ANKRD36C: variants seen among roughly 807,000 people sequenced by gnomAD.
ANKRD36C encodes the protein ankyrin repeat domain-containing protein 36C.
In ANKRD36C, 61 loss-of-function variants were observed where a neutral mutation model predicts 276.4. That is an observed-to-expected ratio of 0.22 (90% CI 0.18 to 0.27). The LOEUF (loss-of-function observed/expected upper bound fraction) is 0.27. Among genes scored for constraint, ANKRD36C ranks in the 10% least tolerant of loss-of-function variants. The probability of loss-of-function intolerance (pLI) is 1.00; values close to 1 mark genes in which losing one functional copy is unlikely to be tolerated. For synonymous variants in ANKRD36C, 483 were observed against 680.1 expected (o/e 0.71, Z 4.51); for missense variants, 1,447 against 2,032.3 (o/e 0.71, Z 5.54).
Position 95,897,139 on chromosome 2 carries a change from T to A in ANKRD36C, c.2755+2006A>T, listed in dbSNP as rs1676575855. 3.6e-6 allele frequency: 4 copies of A among 1,098,658 alleles called. 1 individual carries two copies. In the South Asian group the frequency reaches 5.9e-5, roughly 16 times the overall value. 68.1% of individuals were successfully genotyped at this position (1,098,658 alleles called of 1,614,324 possible). A position where few individuals can be genotyped will look rare whatever the true frequency, so the allele number is the denominator to read the frequency against. ...CATCATCATCACCCACAAACTTATT[T>A]GAAATGAAGAATCTCAGGACTGCTG... On this transcript the variant is annotated intron_variant, in intron 44 of 66. Transcript: ENST00000456556.
chr2:95,978,507 T>C (rs1410436996), intron 5 of ANKRD36C, among the ~76,000 whole-genome samples: 1 of 152,118 alleles, frequency 6.6e-6, no homozygotes, highest in Non-Finnish European at 1.5e-5. Flanking sequence ...AACAAGTTGC[T>C]TCTCTTAGGC....
downstream of ANKRD36C, among the ~76,000 whole-genome samples, chr2:95,850,450 G>T (rs1284510822): frequency 1.3e-5 from 2 of 152,330 alleles, no homozygotes; most frequent in East Asian, 3.9e-4. Flanking sequence ...GCAATTCATA[G>T]GTTGATATCT....
At chr2:95,984,552 T>G (rs1165193746) in intron 3 of ANKRD36C, among the ~76,000 whole-genome samples, 1 of 152,248 alleles carries the variant, frequency 6.6e-6, no homozygotes, top group East Asian at 1.9e-4. Context: ...AGTATTTTCA[T>G]GTAAAATACT....
At chr2:95,874,104 C>A (rs1313802312) in intron 59 of ANKRD36C, among the ~76,000 whole-genome samples, 1 of 151,918 alleles carries the variant, frequency 6.6e-6, no homozygotes, top group Non-Finnish European at 1.5e-5. Context: ...CCATACTGCC[C>A]AAGGTAATTT....
chr2:95,891,632 T>A (rs759694026), intron 46 of ANKRD36C, 33 bp downstream of exon 66: 1 of 1,540,992 alleles, frequency 6.5e-7, no homozygotes, highest in South Asian at 1.2e-5. Context: ...CTATCTGCAC[T>A]GAACATGACA....
At chr2:95,909,012 C>A (rs1357669379) in intron 42 of ANKRD36C, among the ~76,000 whole-genome samples, 1 of 151,052 alleles carries the variant, frequency 6.6e-6, no homozygotes, top group Non-Finnish European at 1.5e-5. Context: ...ATCAGAGGAG[C>A]AACACATACA....
chr2:95,949,287 T>A (rs1212543545), intron 16 of ANKRD36C, among the ~76,000 whole-genome samples: 1 of 152,116 alleles, frequency 6.6e-6, no homozygotes, highest in Admixed American at 6.5e-5. Flanking sequence ...ATTATATAGA[T>A]CCTGCCTTAT....
At chr2:95,927,629 A>T (rs1247442152) in intron 26 of ANKRD36C, among the ~76,000 whole-genome samples, 15 of 151,640 alleles carry the variant, frequency 9.9e-5, no homozygotes, top group Non-Finnish European at 2.1e-4. Flanking sequence ...CAAACATGGT[A>T]TGATTCGTGA....
intron 59 of ANKRD36C, among the ~76,000 whole-genome samples, chr2:95,872,224 GCACCA>G (rs748479812): frequency 1.4e-5 from 2 of 142,420 alleles, no homozygotes; most frequent in Non-Finnish European, 3.1e-5. Context: ...ATTTTTTTCA[GCACCA>G]CACCACACCT....
chr2:95,988,907 C>A (rs1679083519), intron 1 of ANKRD36C, among the ~76,000 whole-genome samples: 1 of 152,134 alleles, frequency 6.6e-6, no homozygotes, highest in East Asian at 1.9e-4. Flanking sequence ...GTGGCTCACA[C>A]CTGTAATCCC....
At chr2:95,866,160 A>T (rs987703352) in intron 60 of ANKRD36C, among the ~76,000 whole-genome samples, 1 of 151,978 alleles carries the variant, frequency 6.6e-6, no homozygotes, top group African/African-American at 2.4e-5. Flanking sequence ...GCACAGATTT[A>T]AATGGAAGAT....
rs1676375074 is a variant in ANKRD36C at position 95,891,923 on chromosome 2, C to A, written c.2756-63G>T. 5.8e-6 allele frequency: 9 copies of A among 1,545,678 alleles called. No individual in the cohort carries two copies. The Admixed American group carries it at 1.6e-4, about 27-fold the overall frequency. ...AAAATGACAAAATTATCCACACATT[C>A]ATGCAGTGTTAGCATCAACCTCTGT... On this transcript the variant is annotated intron_variant, in intron 44 of 66. Coordinates refer to ENST00000456556, the Ensembl canonical transcript of ANKRD36C.
chr2:95,950,618 G>C, intron 16 of ANKRD36C, 131 bp downstream of exon 16: 2 of 1,144,508 alleles, frequency 1.7e-6, no homozygotes, highest in Non-Finnish European at 2.4e-6. Flanking sequence ...GTGTGAAGAT[G>C]ACATGACATG....
chr2:95,879,813 C>G (rs1272163159), intron 58 of ANKRD36C, among the ~76,000 whole-genome samples: 1 of 149,094 alleles, frequency 6.7e-6, no homozygotes, highest in Admixed American at 6.7e-5. Flanking sequence ...CTTTAATTCG[C>G]TAAAAACTAT....
At chr2:95,856,811 T>C (rs1187093680) in intron 62 of ANKRD36C, among the ~76,000 whole-genome samples, 2 of 152,164 alleles carry the variant, frequency 1.3e-5, no homozygotes, top group Non-Finnish European at 2.9e-5. Context: ...GCAGGATTTT[T>C]CCCAGCTTTT....
chr2:95,962,586 A>G, intron 6 of ANKRD36C, 39 bp from the exon 7 acceptor site: 1 of 1,591,364 alleles, frequency 6.3e-7, no homozygotes, highest in Non-Finnish European at 8.5e-7. Context: ...TCATAGGTAA[A>G]TATGATACAA....
At position 95,897,390 on chromosome 2, in the gene ANKRD36C, T is replaced by C. The variant is rs1444021456; in HGVS notation, c.2755+1755A>G. ...TAATAAATTAATAAAGTATGTTTCA[T>C]AGACTATACATTTACTAGTTCACAA... On this transcript the variant is annotated intron_variant, in intron 44 of 66. Transcript: ENST00000456556. 4 of 1,548,880 alleles carry C rather than the reference T, an allele frequency of 2.6e-6. No individual in the cohort carries two copies. The African/African-American group carries it at 4.1e-5, about 16-fold the overall frequency.
chr2:95,870,458 T>G (rs1052433842), intron 59 of ANKRD36C, among the ~76,000 whole-genome samples: 1 of 152,204 alleles, frequency 6.6e-6, no homozygotes. Context: ...GAGGGTTCTC[T>G]CTGGTAGAAG....
chr2:95,902,527 C>A (rs1411090934), intron 42 of ANKRD36C, among the ~76,000 whole-genome samples: 3 of 150,454 alleles, frequency 2.0e-5, no homozygotes, highest in Non-Finnish European at 3.0e-5. Flanking sequence ...CTTTTCTTGG[C>A]AGTACGATCT....
Sources: gnomAD v4.1 joint callset for allele counts (sites outside exome capture counted in the v4.1 genomes callset) on GRCh38, gnomAD v4.1.1 for gene constraint, MANE v1.5 for transcripts, NCBI Gene and HGNC (gene_info 2026-07-23, HGNC 2026-07-21) for gene names.